HYCC2: variants seen among roughly 807,000 people sequenced by gnomAD.
HYCC2 encodes the protein hyccin 2.
At chr2:201,066,078 CT>C in the HYCC2 span, among the ~76,000 whole-genome samples, 49 of 146,050 alleles carry the variant, frequency 3.4e-4, no homozygotes, top group South Asian at 6.5e-4. Context: ...GTTTTCTTTT[CT>C]TTTTTTTTTT....
the HYCC2 span, among the ~76,000 whole-genome samples, chr2:201,060,650 T>C: frequency 2.0e-5 from 3 of 152,202 alleles, no homozygotes; most frequent in Admixed American, 6.5e-5. Context: ...GTCTGAATTT[T>C]TTTTACCAAA....
At chr2:201,038,309 T>C in the HYCC2 span, among the ~76,000 whole-genome samples, 1 of 152,148 alleles carries the variant, frequency 6.6e-6, no homozygotes, top group African/African-American at 2.4e-5. Context: ...TGTAAACTAG[T>C]TCAACCATTG....
the HYCC2 span, among the ~76,000 whole-genome samples, chr2:201,047,791 T>A: frequency 1.5e-5 from 2 of 136,446 alleles, no homozygotes; most frequent in African/African-American, 5.4e-5. Flanking sequence ...TATAATAGAA[T>A]AACACTGTTA....
chr2:201,041,769 A>ACACC, the HYCC2 span, among the ~76,000 whole-genome samples: 2 of 152,206 alleles, frequency 1.3e-5, no homozygotes, highest in Non-Finnish European at 2.9e-5. Context: ...TGGATGTAAG[A>ACACC]CGGGTACTTA....
At chr2:201,036,221 T>C in the HYCC2 span, among the ~76,000 whole-genome samples, 36 of 152,274 alleles carry the variant, frequency 2.4e-4, no homozygotes, top group African/African-American at 8.2e-4. Context: ...AATTGACCAA[T>C]AACAGGCTCT....
At chr2:201,022,779 T>C in the HYCC2 span, 1 of 1,125,252 alleles carries the variant, frequency 8.9e-7, no homozygotes, top group Non-Finnish European at 1.3e-6. Flanking sequence ...TGTGTTTTGG[T>C]ATACATATTT....
At chr2:201,029,296 A>G in the HYCC2 span, among the ~76,000 whole-genome samples, 42,520 of 151,756 alleles carry the variant, frequency 0.28, 8,394 homozygotes, top group African/African-American at 0.56. Flanking sequence ...CCATCAGAAA[A>G]TCAGGAAACA....
At chr2:201,036,979 T>C in the HYCC2 span, among the ~76,000 whole-genome samples, 1 of 152,246 alleles carries the variant, frequency 6.6e-6, no homozygotes, top group Non-Finnish European at 1.5e-5. Context: ...GATGACATGA[T>C]TGTATATCTA....
chr2:201,054,470 C>T, the HYCC2 span, among the ~76,000 whole-genome samples: 14 of 152,150 alleles, frequency 9.2e-5, no homozygotes, highest in African/African-American at 3.1e-4. Context: ...ATGAAGATAA[C>T]CTCCTAGCTT....
the HYCC2 span, chr2:201,009,268 T>C: frequency 4.9e-4 from 208 of 423,506 alleles, 1 homozygote; most frequent in African/African-American, 3.7e-3. Flanking sequence ...CTATAGCTTC[T>C]TTTGGAAATT....
chr2:201,011,305 G>T, the HYCC2 span: 1 of 699,526 alleles, frequency 1.4e-6, no homozygotes, highest in Non-Finnish European at 2.3e-6. Context: ...AGATATTTTA[G>T]GAATATTTAT....
chr2:201,033,196 T>TGTGA, the HYCC2 span, among the ~76,000 whole-genome samples: 4,247 of 105,978 alleles, frequency 0.04, 92 homozygotes, highest in African/African-American at 0.061. Context: ...TGTGTGTGTG[T>TGTGA]GAGAGAGAGA....
At chr2:201,023,030 A>C in the HYCC2 span, 54 of 752,782 alleles carry the variant, frequency 7.2e-5, no homozygotes, top group Middle Eastern at 2.4e-4. Flanking sequence ...TAACAAACTC[A>C]AGTGAGAAAA....
the HYCC2 span, among the ~76,000 whole-genome samples, chr2:201,028,460 CTACTT>C: frequency 6.6e-6 from 1 of 152,134 alleles, no homozygotes; most frequent in African/African-American, 2.4e-5. Context: ...TGGAAAAAAA[CTACTT>C]TAAAGTTCAT....
At chr2:201,049,063 G>C in the HYCC2 span, among the ~76,000 whole-genome samples, 2 of 151,290 alleles carry the variant, frequency 1.3e-5, no homozygotes, top group South Asian at 4.2e-4. Flanking sequence ...GGTCAAGGCT[G>C]CAGTAGGCCA....
the HYCC2 span, among the ~76,000 whole-genome samples, chr2:201,006,395 C>A: frequency 6.6e-6 from 1 of 151,626 alleles, no homozygotes; most frequent in Non-Finnish European, 1.5e-5. Flanking sequence ...CCTGCATCGG[C>A]CTCCCAAAGT....
chr2:201,021,958 T>C, the HYCC2 span: 2 of 578,108 alleles, frequency 3.5e-6, no homozygotes, highest in African/African-American at 3.8e-5. Context: ...CCAGTCACAA[T>C]TTAGGAGACA....
the HYCC2 span, among the ~76,000 whole-genome samples, chr2:201,004,776 G>A: frequency 2.0e-5 from 3 of 152,154 alleles, no homozygotes; most frequent in African/African-American, 7.2e-5. Context: ...TCGGCACTTT[G>A]GGAGGCCGAG....
chr2:201,050,716 T>C, the HYCC2 span, among the ~76,000 whole-genome samples: 1 of 152,044 alleles, frequency 6.6e-6, no homozygotes, highest in African/African-American at 2.4e-5. Flanking sequence ...GGCAGATCAC[T>C]TAAGGTCAGG....
Sources: allele counts gnomAD v4.1 joint callset (sites outside exome capture counted in the v4.1 genomes callset), GRCh38; gene constraint gnomAD v4.1.1; transcripts MANE v1.5; gene names NCBI Gene and HGNC (gene_info 2026-07-23, HGNC 2026-07-21).